TNFAIP8L3: variants seen among roughly 807,000 people sequenced by gnomAD.
TNFAIP8L3 encodes the protein TNF alpha induced protein 8 like 3.
TNFAIP8L3 carries 7 observed loss-of-function variants against 11.8 expected under a neutral mutation model. That is an observed-to-expected ratio of 0.59 (90% CI 0.34 to 1.11). The LOEUF (loss-of-function observed/expected upper bound fraction) is 1.11, where lower values mean the gene tolerates loss of function less well. TNFAIP8L3 is among the 50% of genes most tolerant of loss of function. TNFAIP8L3 has a pLI of 0.03. For missense variants in TNFAIP8L3, 219 were observed against 258.6 expected (o/e 0.85, Z 1.05); for synonymous variants, 98 against 103.8 (o/e 0.94, Z 0.34).
intron 1 of TNFAIP8L3, among the ~76,000 whole-genome samples, chr15:51,079,629 T>C (rs572362381): frequency 1.5e-4 from 23 of 152,270 alleles, no homozygotes; most frequent in Non-Finnish European, 5.9e-5. Context: ...GGTTGCTCTG[T>C]CACTTCTTTT....
chr15:51,095,103 G>A (rs765629965), upstream of TNFAIP8L3, among the ~76,000 whole-genome samples: 1 of 152,130 alleles, frequency 6.6e-6, no homozygotes. Flanking sequence ...GCGCAGGAAA[G>A]GAGAGGTTCC....
In TNFAIP8L3 at chr15:51,094,817, G is replaced by C; in HGVS notation, c.-222C>G. On this transcript the variant is annotated 5_prime_UTR_variant, in exon 1 of 2. Coordinates refer to ENST00000637513, the MANE Select transcript of TNFAIP8L3 (RefSeq NM_001311175.2). The surrounding 1 kb of genome is among the most constrained non-coding windows in gnomAD (Gnocchi z 4.4). Reference sequence around the variant, plus strand: ...CCCGCCGGCCGGTGCCTGCGCGCGAGGCGAGCGCAGGGCGGAGGGTGGGGC... The same window carrying C: ...CCCGCCGGCCGGTGCCTGCGCGCGACGCGAGCGCAGGGCGGAGGGTGGGGC... 5.4e-6 allele frequency: 3 copies of C among 555,624 alleles called. No homozygotes were observed. The highest frequency in any genetic ancestry group is 2.1e-5 in the African/African-American group (1 of 48,514). The allele number at this position is 555,624 out of a possible 1,614,324, so 34.4% of individuals were successfully genotyped here.
chr15:51,067,550 CACAG>C (rs2065280195), intron 1 of TNFAIP8L3, among the ~76,000 whole-genome samples: 2 of 152,216 alleles, frequency 1.3e-5, no homozygotes, highest in South Asian at 4.1e-4. Context: ...ATATTTAATA[CACAG>C]ACAGATTTGG....
At chr15:51,062,259 G>A (rs1355638996) in intron 1 of TNFAIP8L3, among the ~76,000 whole-genome samples, 6 of 151,358 alleles carry the variant, frequency 4.0e-5, no homozygotes, top group Non-Finnish European at 5.9e-5. Context: ...GTGTGACAGA[G>A]TGAGACTCTG....
At chr15:51,066,993 G>T (rs1028566910) in intron 1 of TNFAIP8L3, among the ~76,000 whole-genome samples, 1 of 152,170 alleles carries the variant, frequency 6.6e-6, no homozygotes, top group Non-Finnish European at 1.5e-5. Flanking sequence ...AAAGCCTTAA[G>T]GGATGGTGGG....
At chr15:51,080,359 A>G (rs778821829) in intron 1 of TNFAIP8L3, among the ~76,000 whole-genome samples, 3 of 152,222 alleles carry the variant, frequency 2.0e-5, no homozygotes, top group Non-Finnish European at 4.4e-5. Flanking sequence ...TCGTAGCAGA[A>G]TAGAAAGTTC....
chr15:51,099,011 C>T (rs1399421688), upstream of TNFAIP8L3, among the ~76,000 whole-genome samples: 1 of 152,218 alleles, frequency 6.6e-6, no homozygotes, highest in Non-Finnish European at 1.5e-5. Flanking sequence ...CTTTCAGCCT[C>T]CTTCGTTTTC....
chr15:51,061,141 T>A (rs2065240423), intron 1 of TNFAIP8L3, among the ~76,000 whole-genome samples: 1 of 152,134 alleles, frequency 6.6e-6, no homozygotes, highest in African/African-American at 2.4e-5. Context: ...CTCAAAAAAA[T>A]AATAATTAAT....
chr15:51,096,374 A>T (rs548391549), upstream of TNFAIP8L3, among the ~76,000 whole-genome samples: 1 of 152,196 alleles, frequency 6.6e-6, no homozygotes, highest in Non-Finnish European at 1.5e-5. Context: ...CCCACAGTGG[A>T]TGTGTTATCT....
Position 51,101,375 on chromosome 15 carries a change from A to C in TNFAIP8L3, c.172+3630T>G, listed in dbSNP as rs1249118807. ...GGTGGCTCACGCCTGTAATCCCAGC[A>C]GTTTCGGAGGCCAAGACAGGCGGAT... is the stretch of plus-strand genomic sequence containing the variant. On this transcript the variant is annotated intron_variant, in intron 1 of 2. Coordinates refer to the TNFAIP8L3 transcript ENST00000327536. Among the ~76,000 whole-genome samples, 4 of 152,172 alleles carry C rather than the reference A, an allele frequency of 2.6e-5. No homozygotes were observed. In the East Asian group the frequency reaches 7.7e-4, roughly 29 times the overall value.
upstream of TNFAIP8L3, among the ~76,000 whole-genome samples, chr15:51,098,935 A>C (rs2065531432): frequency 6.6e-6 from 1 of 152,250 alleles, no homozygotes; most frequent in Non-Finnish European, 1.5e-5. Flanking sequence ...ATTTTCTGCT[A>C]TAATAGCATC....
chr15:51,079,594 G>C (rs2065377269), intron 1 of TNFAIP8L3, among the ~76,000 whole-genome samples: 2 of 152,088 alleles, frequency 1.3e-5, no homozygotes, highest in Non-Finnish European at 2.9e-5. Context: ...CTCTCACCTG[G>C]GAATGGTTGC....
At chr15:51,078,316 G>C (rs1173408678) in intron 1 of TNFAIP8L3, among the ~76,000 whole-genome samples, 4 of 151,324 alleles carry the variant, frequency 2.6e-5, no homozygotes, top group African/African-American at 9.7e-5. Context: ...GGGTTCTAAA[G>C]GCTGTTTCCG....
chr15:51,078,635 A>G (rs775121079), intron 1 of TNFAIP8L3, among the ~76,000 whole-genome samples: 5 of 151,644 alleles, frequency 3.3e-5, no homozygotes, highest in Non-Finnish European at 5.9e-5. Context: ...TCTCCCATCC[A>G]TAACTGCTTG....
chr15:51,080,330 G>A (rs2065382285), intron 1 of TNFAIP8L3, among the ~76,000 whole-genome samples: 1 of 152,080 alleles, frequency 6.6e-6, no homozygotes, highest in Non-Finnish European at 1.5e-5. Flanking sequence ...TCTGTCTAGT[G>A]CAAATTCATT....
chr15:51,059,800 C>T (rs796224001), intron 1 of TNFAIP8L3, among the ~76,000 whole-genome samples: 1 of 152,244 alleles, frequency 6.6e-6, no homozygotes, highest in South Asian at 2.1e-4. Context: ...TTTGTGTCCA[C>T]ACAGGAGTGA....
chr15:51,065,820 C>T (rs1319815185), intron 1 of TNFAIP8L3, among the ~76,000 whole-genome samples: 2 of 152,220 alleles, frequency 1.3e-5, no homozygotes, highest in African/African-American at 4.8e-5. Flanking sequence ...TACTTCATTT[C>T]TCTAAATAGC....
chr15:51,068,660 GTTTTTTT>G (rs113982459), intron 1 of TNFAIP8L3, among the ~76,000 whole-genome samples: 27 of 116,376 alleles, frequency 2.3e-4, no homozygotes, highest in African/African-American at 3.2e-4. Context: ...CACCCCTCCT[GTTTTTTT>G]TTTTTTTTTT....
chr15:51,100,941 C>T (rs1189103028), intron 1 of TNFAIP8L3, among the ~76,000 whole-genome samples: 1 of 152,220 alleles, frequency 6.6e-6, no homozygotes, highest in Non-Finnish European at 1.5e-5. Context: ...GGAAAAGGGG[C>T]TGACCCCTAC....
Sources: allele counts gnomAD v4.1 joint callset (sites outside exome capture counted in the v4.1 genomes callset), GRCh38; gene constraint gnomAD v4.1.1; non-coding constraint Gnocchi (gnomAD v3.1); transcripts MANE v1.5; gene names NCBI Gene and HGNC (gene_info 2026-07-23, HGNC 2026-07-21).